Variants in PCBP3 observed in about 807,000 individuals in gnomAD.
PCBP3 encodes the protein poly(rC) binding protein 3, also known as poly(rC)-binding protein 3.
PCBP3 carries 25 observed loss-of-function variants against 52.7 expected under a neutral mutation model. That is an observed-to-expected ratio of 0.47 (90% CI 0.35 to 0.66). The LOEUF (loss-of-function observed/expected upper bound fraction) is 0.66. Among genes scored for constraint, PCBP3 ranks in the 30% least tolerant of loss-of-function variants. The pLI is 0.01. For missense variants in PCBP3, 391 were observed against 490.3 expected, an observed-to-expected ratio of 0.80 and a Z score of 1.91; for synonymous variants, 162 against 183.0, an observed-to-expected ratio of 0.89 and a Z score of 0.93.
intron 2 of PCBP3, among the ~76,000 whole-genome samples, chr21:45,702,511 G>A (rs2083191962): frequency 6.6e-6 from 1 of 152,166 alleles, no homozygotes; most frequent in Non-Finnish European, 1.5e-5. Flanking sequence ...CAAAAGTTAT[G>A]TTTACACTCT....
chr21:45,694,364 AAGT>A (rs1395535197), intron 2 of PCBP3, among the ~76,000 whole-genome samples: 1 of 152,198 alleles, frequency 6.6e-6, no homozygotes, highest in Non-Finnish European at 1.5e-5. Context: ...GTTAGGTTGA[AAGT>A]AGACGAGAAA....
intron 4 of PCBP3, among the ~76,000 whole-genome samples, chr21:45,767,474 T>C (rs573314754): frequency 1.3e-5 from 2 of 152,378 alleles, no homozygotes; most frequent in Admixed American, 6.5e-5. Context: ...TCTTCGGCTA[T>C]TGTGAATAGT....
chr21:45,812,287 A>C (rs1253311729), intron 4 of PCBP3, among the ~76,000 whole-genome samples: 1 of 152,188 alleles, frequency 6.6e-6, no homozygotes, highest in Non-Finnish European at 1.5e-5. Flanking sequence ...TCCTGAGAAC[A>C]TGTGCCCAAA....
At chr21:45,768,950 G>A (rs545836784) in intron 4 of PCBP3, among the ~76,000 whole-genome samples, 7 of 152,366 alleles carry the variant, frequency 4.6e-5, no homozygotes, top group African/African-American at 9.6e-5. Context: ...CATGATGACC[G>A]ATGGCAGGAG....
chr21:45,831,706 T>C (rs1379415162), intron 4 of PCBP3, among the ~76,000 whole-genome samples: 2 of 148,008 alleles, frequency 1.4e-5, no homozygotes, highest in East Asian at 3.9e-4. Flanking sequence ...TGAAAGCAAG[T>C]TAGTTAGTTA....
intron 3 of PCBP3, among the ~76,000 whole-genome samples, chr21:45,748,976 G>A (rs1221468708): frequency 2.6e-5 from 4 of 152,182 alleles, no homozygotes; most frequent in Non-Finnish European, 5.9e-5. Context: ...CTTGGGGGAA[G>A]GTTGCTTCAG....
At chr21:45,760,668 A>G (rs1450807123) in intron 4 of PCBP3, 1 of 152,258 alleles carries the variant, frequency 6.6e-6, no homozygotes, top group Non-Finnish European at 1.5e-5. Flanking sequence ...GAAAAATCCA[A>G]AAGAAGGCAA....
intron 2 of PCBP3, among the ~76,000 whole-genome samples, chr21:45,696,201 C>G (rs1468867584): frequency 6.6e-6 from 1 of 151,430 alleles, no homozygotes; most frequent in Admixed American, 6.6e-5. Flanking sequence ...TGGATTGGAC[C>G]TAAGTGTTAA....
chr21:45,840,477 G>T (rs1222366263), intron 4 of PCBP3, among the ~76,000 whole-genome samples: 5 of 141,598 alleles, frequency 3.5e-5, no homozygotes, highest in Non-Finnish European at 6.1e-5. Flanking sequence ...AAAAAAAAAA[G>T]TTACAGTAAA....
At chr21:45,859,595 C>G (rs1020519982) in intron 5 of PCBP3, 1 of 152,258 alleles carries the variant, frequency 6.6e-6, no homozygotes, top group Non-Finnish European at 1.5e-5. Context: ...TCCTAACACG[C>G]GACATCTCCC....
chr21:45,861,677 A>G (rs986551210), intron 5 of PCBP3, among the ~76,000 whole-genome samples: 1 of 152,184 alleles, frequency 6.6e-6, no homozygotes, highest in Admixed American at 6.5e-5. Flanking sequence ...CACCGAGGGC[A>G]GAGCCTGCCC....
At chr21:45,873,133 C>T (rs1458589300) in intron 5 of PCBP3, 1 of 152,310 alleles carries the variant, frequency 6.6e-6, no homozygotes, top group Non-Finnish European at 1.5e-5. Context: ...TGTGTCTTTA[C>T]CTCTGGGGGC....
At chr21:45,930,123 T>C in intron 14 of PCBP3, 128 bp downstream of exon 14, 1 of 362,898 alleles carries the variant, frequency 2.8e-6, no homozygotes, top group Non-Finnish European at 5.1e-6. Flanking sequence ...TGCTGCGGCG[T>C]TCACATGCAG....
At chr21:45,818,767 C>A (rs1372246412) in intron 4 of PCBP3, among the ~76,000 whole-genome samples, 1 of 152,178 alleles carries the variant, frequency 6.6e-6, no homozygotes, top group Non-Finnish European at 1.5e-5. Flanking sequence ...ACCAAGACAT[C>A]CTTTAGTAGG....
intron 4 of PCBP3, among the ~76,000 whole-genome samples, chr21:45,798,241 A>G (rs2092102400): frequency 2.2e-5 from 3 of 136,792 alleles, no homozygotes; most frequent in African/African-American, 8.4e-5. Flanking sequence ...GTGTACATGG[A>G]TGAATGCATG....
chr21:45,892,489 G>A (rs564116441), intron 5 of PCBP3, among the ~76,000 whole-genome samples: 8 of 146,260 alleles, frequency 5.5e-5, no homozygotes, highest in African/African-American at 1.8e-4. Context: ...GGGCGGTCCC[G>A]TCTCTCACGG....
intron 2 of PCBP3, among the ~76,000 whole-genome samples, chr21:45,720,919 T>C (rs553312497): frequency 6.6e-6 from 1 of 152,346 alleles, no homozygotes; most frequent in South Asian, 2.1e-4. Flanking sequence ...TTACTTATTC[T>C]CTCCAATGCC....
chr21:45,900,933 GC>G, intron 8 of PCBP3, 63 bp from the exon 9 acceptor site: 1 of 1,156,208 alleles, frequency 8.6e-7, no homozygotes, highest in Non-Finnish European at 1.3e-6. Flanking sequence ...CGGACTTGCG[GC>G]CCCCGACCCA....
intron 4 of PCBP3, among the ~76,000 whole-genome samples, chr21:45,797,338 T>C (rs2091974568): frequency 6.9e-6 from 1 of 144,868 alleles, no homozygotes; most frequent in Non-Finnish European, 1.5e-5. Context: ...AGAGAGTGAA[T>C]GCATGGATGG....
Sources: allele counts gnomAD v4.1 joint callset (sites outside exome capture counted in the v4.1 genomes callset), GRCh38; gene constraint gnomAD v4.1.1; transcripts MANE v1.5; gene names NCBI Gene and HGNC (gene_info 2026-07-23, HGNC 2026-07-21).